SLC9B2: variants seen among roughly 807,000 people sequenced by gnomAD.
SLC9B2 encodes the protein sodium/hydrogen exchanger 9B2.
A neutral mutation model predicts 52.2 loss-of-function variants in SLC9B2; 39 were observed. The observed-to-expected ratio is 0.75, with a 90% CI of 0.58 to 0.98. The LOEUF (loss-of-function observed/expected upper bound fraction) is 0.98, where lower values mean the gene tolerates loss of function less well. Ranked by LOEUF, SLC9B2 falls within the 50% of genes least tolerant of loss-of-function variation. The pLI, the probability that SLC9B2 is intolerant of heterozygous loss-of-function variation, is 0.00. For missense variants in SLC9B2, 626 were observed against 637.5 expected, an observed-to-expected ratio of 0.98 and a Z score of 0.19; for synonymous variants, 214 against 227.0, an observed-to-expected ratio of 0.94 and a Z score of 0.51.
chr4:103,061,594 G>A (rs185919591), intron 3 of SLC9B2, among the ~76,000 whole-genome samples: 71 of 152,108 alleles, frequency 4.7e-4, no homozygotes, highest in African/African-American at 1.6e-3. Context: ...CACCAACATG[G>A]CACATGTATA....
intron 9 of SLC9B2, among the ~76,000 whole-genome samples, chr4:103,041,046 A>G (rs1226570590): frequency 6.6e-6 from 1 of 152,206 alleles, no homozygotes; most frequent in African/African-American, 2.4e-5. Context: ...AAGTAAATGG[A>G]TAGAACTCTA....
chr4:103,031,883 G>T (rs1039663184), intron 9 of SLC9B2, 75 bp from the exon 10 acceptor site: 14 of 1,439,098 alleles, frequency 9.7e-6, no homozygotes, highest in Non-Finnish European at 1.3e-5. Context: ...TTAATTTGAG[G>T]TTTGAATTAT....
At chr4:103,052,312 G>A (rs1422793259) in intron 4 of SLC9B2, among the ~76,000 whole-genome samples, 1 of 152,230 alleles carries the variant, frequency 6.6e-6, no homozygotes, top group Non-Finnish European at 1.5e-5. Flanking sequence ...GATCTGACAA[G>A]AGGCAGAGCT....
chr4:103,048,895 C>G lies in SLC9B2; in HGVS notation c.711G>C (p.Leu237=). The G allele has an allele frequency of 6.2e-7, 1 of 1,613,494 alleles. No homozygotes were observed. Among genetic ancestry groups the G allele is most frequent in the Non-Finnish European group, 8.5e-7 (1 of 1,179,700 alleles). Reference sequence around the variant, plus strand: ...TATGACAAAGAAACAATCATTACCCCAGTATAAATCCCCATTGCCATGGTA... The same window carrying G: ...TATGACAAAGAAACAATCATTACCCGAGTATAAATCCCCATTGCCATGGTA... The part of the protein sequence containing the change: ...LGLPWQWGFI[L]GFVLGAVSPA... The change falls in exon 6 of 12, where the codon CTG becomes CTC. Residue 237 remains leucine, a splice_region_variant and synonymous_variant. Coordinates refer to ENST00000394785, the MANE Select transcript of SLC9B2 (RefSeq NM_178833.7).
chr4:103,018,990 A>G (rs1378306628), downstream of SLC9B2, among the ~76,000 whole-genome samples: 2 of 152,194 alleles, frequency 1.3e-5, no homozygotes, highest in African/African-American at 4.8e-5. Context: ...AAGAGAATCT[A>G]ATGCCTGATG....
At chr4:103,057,279 CACACACACACATATAT>C (rs1429234658) in intron 4 of SLC9B2, among the ~76,000 whole-genome samples, 24 of 144,162 alleles carry the variant, frequency 1.7e-4, no homozygotes, top group African/African-American at 4.9e-4. Flanking sequence ...TATATACACA[CACACACACACATATAT>C]ACACACACAC....
At chr4:103,034,993 T>C (rs990911890) in intron 9 of SLC9B2, among the ~76,000 whole-genome samples, 6 of 152,190 alleles carry the variant, frequency 3.9e-5, no homozygotes, top group African/African-American at 1.4e-4. Flanking sequence ...TGAAAAAATT[T>C]ATTTTAAATT....
intron 9 of SLC9B2, among the ~76,000 whole-genome samples, chr4:103,035,354 ACAC>A (rs1219438888): frequency 6.6e-6 from 1 of 152,180 alleles, no homozygotes; most frequent in South Asian, 2.1e-4. Flanking sequence ...GGGTATATAT[ACAC>A]CACATTTTCT....
At chr4:103,041,273 T>C (rs1199975434) in intron 9 of SLC9B2, among the ~76,000 whole-genome samples, 1 of 152,172 alleles carries the variant, frequency 6.6e-6, no homozygotes, top group African/African-American at 2.4e-5. Context: ...TGTGTGTAGA[T>C]AAAGAGATTC....
At position 103,067,609 on chromosome 4, in the gene SLC9B2, T is replaced by G; in HGVS notation, c.-42-17A>C. ...GAACGAGATCTGTTTTGAAAGAGTA[T>G]AGATATAGAGCAGTAATTTGAAAGT... is the stretch of plus-strand genomic sequence containing the variant. On this transcript the variant is annotated splice_polypyrimidine_tract_variant and intron_variant, in intron 1 of 11. Transcript: ENST00000394785. 1 of 1,282,080 alleles carries G rather than the reference T, an allele frequency of 7.8e-7. No homozygotes were observed. Among genetic ancestry groups the G allele is most frequent in the Non-Finnish European group, 1.1e-6 (1 of 884,162 alleles). The allele number at this position is 1,282,080 out of a possible 1,614,324, so 79.4% of individuals were successfully genotyped here. A position where few individuals can be genotyped will look rare whatever the true frequency, so the allele number is the denominator to read the frequency against.
rs1741893017 is a variant in SLC9B2 at position 103,022,845 on chromosome 4, C to G, written c.*3525G>C. On this transcript the variant is annotated 3_prime_UTR_variant, in exon 12 of 12. Transcript: ENST00000394785. ...TGGATGAGGTCATGAGGGTAGGGCCCTCATGCTGTGATTAGAGTACCCTTA... is the reference window on the plus strand; with the variant it reads ...TGGATGAGGTCATGAGGGTAGGGCCGTCATGCTGTGATTAGAGTACCCTTA... Among the ~76,000 whole-genome samples the G allele has an allele frequency of 6.6e-6, 1 of 152,096 alleles. No individual in the cohort carries two copies. Among genetic ancestry groups the G allele is most frequent in the Admixed American group, 6.5e-5 (1 of 15,272 alleles).
intron 10 of SLC9B2, among the ~76,000 whole-genome samples, chr4:103,029,168 G>A (rs1560540481): frequency 1.3e-5 from 2 of 152,096 alleles, no homozygotes; most frequent in Non-Finnish European, 2.9e-5. Flanking sequence ...TTTATAGCAA[G>A]AACCATGCTT....
At chr4:103,020,247 T>G (rs1234665729), downstream of SLC9B2, 2 of 389,686 alleles carry the variant, frequency 5.1e-6, no homozygotes, top group Non-Finnish European at 9.5e-6. Flanking sequence ...TATAAAACCT[T>G]TGTGAGTTTT....
At chr4:103,073,445 G>A (rs1376154763) in intron 1 of SLC9B2, among the ~76,000 whole-genome samples, 1 of 152,108 alleles carries the variant, frequency 6.6e-6, no homozygotes, top group Non-Finnish European at 1.5e-5. Flanking sequence ...TTCCCAAAAG[G>A]AGCCCTACCC....
chr4:103,036,360 T>C (rs1445412272), intron 9 of SLC9B2, among the ~76,000 whole-genome samples: 3 of 152,100 alleles, frequency 2.0e-5, no homozygotes, highest in African/African-American at 7.2e-5. Context: ...TGATAAACAC[T>C]GCGGCCTATT....
downstream of SLC9B2, among the ~76,000 whole-genome samples, chr4:103,022,166 T>G (rs928676901): frequency 6.6e-6 from 1 of 152,222 alleles, no homozygotes; most frequent in Non-Finnish European, 1.5e-5. Flanking sequence ...CTGTATTCCC[T>G]AGTATCTAGC....
chr4:103,026,340 C>A lies in SLC9B2; in HGVS notation c.*30G>T. ...TTGAAAAAAGTAGCAGCTTTCTAAACATTATGTTCAGCACTCTCTCTTTTC... is the reference window on the plus strand; with the variant it reads ...TTGAAAAAAGTAGCAGCTTTCTAAAAATTATGTTCAGCACTCTCTCTTTTC... On this transcript the variant is annotated 3_prime_UTR_variant, in exon 12 of 12. Transcript: ENST00000394785. 2 of 1,538,564 alleles carry A rather than the reference C, an allele frequency of 1.3e-6. No homozygotes were observed. The highest frequency in any genetic ancestry group is 1.4e-5 in the African/African-American group (1 of 72,398).
At chr4:103,051,619 A>C (rs1405290892) in intron 4 of SLC9B2, among the ~76,000 whole-genome samples, 1 of 152,238 alleles carries the variant, frequency 6.6e-6, no homozygotes, top group Non-Finnish European at 1.5e-5. Context: ...GGTAAAATTA[A>C]GACATTGCTG....
chr4:103,029,220 A>T (rs1742485539), intron 10 of SLC9B2, among the ~76,000 whole-genome samples: 1 of 152,148 alleles, frequency 6.6e-6, no homozygotes, highest in Non-Finnish European at 1.5e-5. Flanking sequence ...ATATGATTAA[A>T]TGATAAGTAA....
Sources: allele counts gnomAD v4.1 joint callset (sites outside exome capture counted in the v4.1 genomes callset), GRCh38; gene constraint gnomAD v4.1.1; transcripts MANE v1.5; gene names NCBI Gene and HGNC (gene_info 2026-07-23, HGNC 2026-07-21).